Variants in ICA1L observed in about 807,000 individuals in gnomAD.
ICA1L encodes the protein islet cell autoantigen 1-like protein.
In ICA1L, 50 loss-of-function variants were observed where a neutral mutation model predicts 61.3. The observed-to-expected ratio is 0.82, with a 90% CI of 0.65 to 1.03. ICA1L has a LOEUF of 1.03. Ranked by LOEUF, ICA1L falls within the 50% of genes least tolerant of loss-of-function variation. ICA1L has a pLI of 0.00. For synonymous variants in ICA1L, 161 were observed against 191.3 expected, an observed-to-expected ratio of 0.84 and a Z score of 1.31; for missense variants, 508 against 556.7, an observed-to-expected ratio of 0.91 and a Z score of 0.88.
At chr2:202,865,275 C>T (rs571678214) in intron 1 of ICA1L, among the ~76,000 whole-genome samples, 3 of 151,710 alleles carry the variant, frequency 2.0e-5, no homozygotes, top group African/African-American at 7.2e-5. Flanking sequence ...TCAAGAGCAG[C>T]CTAGCCAACA....
At chr2:202,811,354 C>A (rs1693372076) in intron 9 of ICA1L, among the ~76,000 whole-genome samples, 1 of 151,992 alleles carries the variant, frequency 6.6e-6, no homozygotes, top group South Asian at 2.1e-4. Flanking sequence ...CTTGCCCAGA[C>A]AAAACAAAAG....
At chr2:202,862,726 A>G (rs1694955425) in intron 1 of ICA1L, among the ~76,000 whole-genome samples, 1 of 151,800 alleles carries the variant, frequency 6.6e-6, no homozygotes, top group East Asian at 1.9e-4. Context: ...AATCCCAGCT[A>G]CTCGGGAGGC....
chr2:202,782,599 G>A (rs1355003610), intron 12 of ICA1L, among the ~76,000 whole-genome samples: 1 of 151,950 alleles, frequency 6.6e-6, no homozygotes, highest in African/African-American at 2.4e-5. Context: ...AGTAGAGACG[G>A]GGTTTCACCA....
chr2:202,780,519 G>GTCA (rs977997110), intron 12 of ICA1L, among the ~76,000 whole-genome samples: 62 of 152,196 alleles, frequency 4.1e-4, no homozygotes, highest in African/African-American at 1.4e-3. Flanking sequence ...CAGACAGTGG[G>GTCA]TCATCTCAGA....
rs1027440302 is a variant in ICA1L, at chr2:202,777,874, GTCTTT to G, written c.*1654_*1658del. Reference sequence around the variant, plus strand: ...CTACTGTGAATAACTTAGTTAAAATGTCTTTTTTTTTTTTTTTTTTTTTTGAGACG... The same window carrying G: ...CTACTGTGAATAACTTAGTTAAAATGTTTTTTTTTTTTTTTTTTTGAGACG... On this transcript the variant is annotated 3_prime_UTR_variant, in exon 13 of 13. Coordinates refer to ENST00000358299, the MANE Select transcript of ICA1L (RefSeq NM_001288622.3). 2 of 139,544 alleles carry G rather than the reference GTCTTT, an allele frequency of 1.4e-5. No individual in the cohort carries two copies. The highest frequency in any genetic ancestry group is 2.1e-4 in the East Asian group (1 of 4,804). The allele number at this position is 139,544 out of a possible 1,614,324, so 8.6% of individuals were successfully genotyped here. A position where few individuals can be genotyped will look rare whatever the true frequency, so the allele number is the denominator to read the frequency against.
intron 1 of ICA1L, among the ~76,000 whole-genome samples, chr2:202,867,646 C>A (rs527756558): frequency 7.4e-4 from 112 of 152,246 alleles, no homozygotes; most frequent in Middle Eastern, 3.4e-3. Context: ...CATTATTCAT[C>A]AGGGAAACAA....
chr2:202,844,170 T>G (rs1013074494), intron 1 of ICA1L: 2 of 152,150 alleles, frequency 1.3e-5, no homozygotes, highest in African/African-American at 4.8e-5. Flanking sequence ...TGTCAAAGGA[T>G]TGGTGTACCA....
At chr2:202,803,367 C>T (rs899894285) in intron 9 of ICA1L, among the ~76,000 whole-genome samples, 2 of 138,550 alleles carry the variant, frequency 1.4e-5, no homozygotes, top group Admixed American at 1.5e-4. Context: ...CACCACTGCA[C>T]TCCAGCCTGG....
chr2:202,782,631 A>T (rs1438855558), intron 12 of ICA1L, among the ~76,000 whole-genome samples: 1 of 151,442 alleles, frequency 6.6e-6, no homozygotes, highest in Non-Finnish European at 1.5e-5. Context: ...CTGGTCTTGA[A>T]CTCCTGACCT....
chr2:202,824,675 A>T (rs1411874148), intron 3 of ICA1L, among the ~76,000 whole-genome samples: 1 of 152,156 alleles, frequency 6.6e-6, no homozygotes, highest in Non-Finnish European at 1.5e-5. Context: ...CTACTATGTA[A>T]GATATTAATA....
At chr2:202,868,329 A>T (rs903468356) in intron 1 of ICA1L, among the ~76,000 whole-genome samples, 2 of 152,240 alleles carry the variant, frequency 1.3e-5, no homozygotes, top group African/African-American at 2.4e-5. Context: ...ACAACACCAA[A>T]ATTGGTGAGA....
chr2:202,782,407 T>G (rs973717890), intron 12 of ICA1L, among the ~76,000 whole-genome samples: 3 of 151,474 alleles, frequency 2.0e-5, no homozygotes, highest in African/African-American at 7.3e-5. Context: ...GTTTGTTTTG[T>G]TTTTGGTTTT....
chr2:202,835,550 A>AT (rs35895700), intron 1 of ICA1L, among the ~76,000 whole-genome samples: 59,502 of 143,550 alleles, frequency 0.41, 12,831 homozygotes, highest in Middle Eastern at 0.62. Context: ...AATGCTACTG[A>AT]TTTTTTTTTT....
chr2:202,797,132 TTGTGTGTGTGTGTG>T (rs58006631), intron 9 of ICA1L, among the ~76,000 whole-genome samples, 168 bp from the exon 10 acceptor site: 27 of 147,698 alleles, frequency 1.8e-4, no homozygotes, highest in African/African-American at 6.4e-4. Context: ...AAAATCACAT[TTGTGTGTGTGTGTG>T]TGTGTGTGTG....
chr2:202,787,718 C>T (rs2105820498), intron 11 of ICA1L, among the ~76,000 whole-genome samples: 1 of 152,282 alleles, frequency 6.6e-6, no homozygotes, highest in Non-Finnish European at 1.5e-5. Context: ...TGCATTAAGA[C>T]ACTGTGAAGT....
chr2:202,783,962 C>G (rs1692496172), intron 12 of ICA1L, among the ~76,000 whole-genome samples: 1 of 151,982 alleles, frequency 6.6e-6, no homozygotes, highest in Non-Finnish European at 1.5e-5. Context: ...ATTTTGGAAA[C>G]CTAAGTGAAG....
At chr2:202,833,851 A>G (rs968216195) in intron 1 of ICA1L, among the ~76,000 whole-genome samples, 1 of 152,204 alleles carries the variant, frequency 6.6e-6, no homozygotes, top group African/African-American at 2.4e-5. Flanking sequence ...TCTCAATTAC[A>G]TGTAAAATCT....
chr2:202,865,860 CA>C (rs1333530902), intron 1 of ICA1L, among the ~76,000 whole-genome samples: 1 of 152,150 alleles, frequency 6.6e-6, no homozygotes, highest in Non-Finnish European at 1.5e-5. Context: ...CTCCTGGCCT[CA>C]AGTGATTCCC....
rs1694545317 is a variant in ICA1L, at chr2:202,849,155, A to G, written c.-7-20139T>C. On this transcript the variant is annotated intron_variant, in intron 1 of 12. Transcript: ENST00000358299. The surrounding 1 kb of genome is among the most constrained non-coding windows in gnomAD (Gnocchi z 4.5). Reference sequence around the variant, plus strand: ...GACCAGAAGATTCCCACATGTGCCTATACCACCAGGGCCCTGGGTTTCAAG... The same window carrying G: ...GACCAGAAGATTCCCACATGTGCCTGTACCACCAGGGCCCTGGGTTTCAAG... Among the ~76,000 whole-genome samples, 1 of 152,174 alleles carries G rather than the reference A, an allele frequency of 6.6e-6. No individual in the cohort carries two copies. The highest frequency in any genetic ancestry group is 2.1e-4 in the South Asian group (1 of 4,822).
Sources: allele counts gnomAD v4.1 joint callset (sites outside exome capture counted in the v4.1 genomes callset), GRCh38; gene constraint gnomAD v4.1.1; non-coding constraint Gnocchi (gnomAD v3.1); transcripts MANE v1.5; gene names NCBI Gene and HGNC (gene_info 2026-07-23, HGNC 2026-07-21).